The following FAM78B variants were observed in gnomAD, a reference collection of about 807,000 sequenced individuals.
FAM78B encodes the protein family with sequence similarity 78 member B, also known as protein FAM78B.
Under a neutral mutation model 20.0 loss-of-function variants are expected in FAM78B, and 10 were observed. That is an observed-to-expected ratio of 0.50 (90% CI 0.31 to 0.85). The LOEUF is 0.85. FAM78B is among the 40% of genes least tolerant of loss of function. The pLI, the probability that FAM78B is intolerant of heterozygous loss-of-function variation, is 0.05. For missense variants in FAM78B, 283 were observed against 345.0 expected (o/e 0.82, Z 1.42); for synonymous variants, 135 against 132.8 (o/e 1.02, Z -0.12).
chr1:166,118,045 C>G (rs1276038345), intron 1 of FAM78B, among the ~76,000 whole-genome samples: 1 of 152,126 alleles, frequency 6.6e-6, no homozygotes, highest in African/African-American at 2.4e-5. Context: ...CTCATGGACT[C>G]TGTAAGAGAA....
intron 1 of FAM78B, among the ~76,000 whole-genome samples, chr1:166,082,317 G>A (rs778276638): frequency 2.6e-5 from 4 of 152,148 alleles, no homozygotes; most frequent in Non-Finnish European, 5.9e-5. Context: ...CTTTGGATTT[G>A]CTGTTCCCTT....
At chr1:166,153,963 C>G (rs1655791857) in intron 1 of FAM78B, among the ~76,000 whole-genome samples, 1 of 152,090 alleles carries the variant, frequency 6.6e-6, no homozygotes, top group African/African-American at 2.4e-5. Flanking sequence ...TGATCATGCC[C>G]CTATGCTGAA....
chr1:166,077,555 GTC>G (rs111360627), intron 1 of FAM78B, among the ~76,000 whole-genome samples: 1 of 146,416 alleles, frequency 6.8e-6, no homozygotes, highest in Non-Finnish European at 1.5e-5. Flanking sequence ...AGCACACAAT[GTC>G]TCTCTCTCTA....
intron 1 of FAM78B, among the ~76,000 whole-genome samples, chr1:166,099,580 C>T (rs879387845): frequency 1.3e-5 from 2 of 152,136 alleles, no homozygotes; most frequent in African/African-American, 2.4e-5. Context: ...GTGGAAAAAG[C>T]CATTTCATGC....
At chr1:166,097,034 A>C (rs1653308921) in intron 1 of FAM78B, among the ~76,000 whole-genome samples, 1 of 152,128 alleles carries the variant, frequency 6.6e-6, no homozygotes, top group South Asian at 2.1e-4. Context: ...CCACCCCCCA[A>C]AACTGTGAGT....
chr1:166,148,146 T>G (rs551833714), intron 1 of FAM78B, among the ~76,000 whole-genome samples: 1 of 152,286 alleles, frequency 6.6e-6, no homozygotes, highest in Admixed American at 6.5e-5. Flanking sequence ...ATATGAGGGG[T>G]CTAGAGAGCT....
downstream of FAM78B, among the ~76,000 whole-genome samples, chr1:166,068,590 AC>A (rs1452806149): frequency 6.6e-6 from 1 of 152,158 alleles, no homozygotes; most frequent in African/African-American, 2.4e-5. Flanking sequence ...AAAGTAATAA[AC>A]CCTGCTGCTT....
chr1:166,095,899 A>G (rs553999782), intron 1 of FAM78B, among the ~76,000 whole-genome samples: 1 of 152,304 alleles, frequency 6.6e-6, no homozygotes, highest in African/African-American at 2.4e-5. Context: ...GATTAAACAC[A>G]GAGAAAATCA....
intron 1 of FAM78B, among the ~76,000 whole-genome samples, chr1:166,122,957 A>G (rs1325632826): frequency 1.3e-5 from 2 of 152,050 alleles, no homozygotes; most frequent in Non-Finnish European, 1.5e-5. Flanking sequence ...TCCGGCTGAG[A>G]GCTCCAGGAC....
intron 1 of FAM78B, among the ~76,000 whole-genome samples, chr1:166,078,808 G>A (rs867734957): frequency 6.6e-6 from 1 of 152,150 alleles, no homozygotes; most frequent in Non-Finnish European, 1.5e-5. Context: ...GGAGTCAGGG[G>A]GAACCACACA....
rs11286787 is a variant in FAM78B, at chr1:166,092,032, A to AT, written c.264-21270dup. On this transcript the variant is annotated intron_variant, in intron 1 of 1. Coordinates refer to ENST00000354422, the MANE Select transcript of FAM78B (RefSeq NM_001017961.5). ...GTGTGGTTAACATGATTGAGCCATCATTTTTTTTTTTTTTTTTTGCAAAAC... is the reference window on the plus strand; with the variant it reads ...GTGTGGTTAACATGATTGAGCCATCATTTTTTTTTTTTTTTTTTTGCAAAAC... 1.0e-4 allele frequency among the ~76,000 whole-genome samples: 13 copies of AT among 126,012 alleles called. 2 individuals carry two copies. Among genetic ancestry groups the AT allele is most frequent in the Non-Finnish European group, 1.5e-4 (9 of 58,174 alleles). 82.7% of individuals were successfully genotyped at this position (126,012 alleles called of 152,430 possible). A position where few individuals can be genotyped will look rare whatever the true frequency, so the allele number is the denominator to read the frequency against.
chr1:166,162,890 C>A (rs1656203160), intron 1 of FAM78B, among the ~76,000 whole-genome samples: 1 of 152,154 alleles, frequency 6.6e-6, no homozygotes, highest in Non-Finnish European at 1.5e-5. Flanking sequence ...TGGAATTAGT[C>A]CCTCCTCCTT....
At chr1:166,119,204 C>T (rs1052079442) in intron 1 of FAM78B, among the ~76,000 whole-genome samples, 6 of 152,206 alleles carry the variant, frequency 3.9e-5, no homozygotes, top group African/African-American at 1.4e-4. Context: ...GACACATTTA[C>T]AACTGTCTCG....
At chr1:166,076,396 A>G (rs1458843166) in intron 1 of FAM78B, among the ~76,000 whole-genome samples, 1 of 152,120 alleles carries the variant, frequency 6.6e-6, no homozygotes, top group African/African-American at 2.4e-5. Context: ...TTGCCTGGAA[A>G]AATATTCCTT....
chr1:166,123,544 G>C (rs1654537011), intron 1 of FAM78B, among the ~76,000 whole-genome samples: 1 of 152,198 alleles, frequency 6.6e-6, no homozygotes, highest in African/African-American at 2.4e-5. Context: ...TTCTTCAATG[G>C]CTTCTGAGGA....
chr1:166,105,065 T>A (rs938410142), intron 1 of FAM78B, among the ~76,000 whole-genome samples: 1 of 152,060 alleles, frequency 6.6e-6, no homozygotes, highest in Non-Finnish European at 1.5e-5. Context: ...TCTACAACTA[T>A]CTGATCTTTG....
rs1396078216 is a variant in FAM78B, at chr1:166,109,835, T to C, written c.264-39072A>G. Among the ~76,000 whole-genome samples the C allele has an allele frequency of 8.0e-4, 14 of 17,410 alleles. 2 individuals carry two copies. The East Asian group carries it at 0.027, about 33-fold the overall frequency. The allele number at this position is 17,410 out of a possible 152,430, so 11.4% of individuals were successfully genotyped here. A position where few individuals can be genotyped will look rare whatever the true frequency, so the allele number is the denominator to read the frequency against. ...ATATGTATATATATATATATATGTA[T>C]ATATGTATATATATATATATATATA... is the stretch of plus-strand genomic sequence containing the variant. On this transcript the variant is annotated intron_variant, in intron 1 of 1. Transcript: ENST00000354422.
intron 1 of FAM78B, among the ~76,000 whole-genome samples, chr1:166,084,237 A>ACACACTCTCTCTCTCTCTCT (rs771421402): frequency 1.6e-5 from 2 of 125,476 alleles, no homozygotes; most frequent in Admixed American, 8.3e-5. Context: ...ACACACACAC[A>ACACACTCTCTCTCTCTCTCT]CTCTCTCTCT....
intron 1 of FAM78B, among the ~76,000 whole-genome samples, chr1:166,084,540 T>C (rs180824185): frequency 2.0e-5 from 3 of 152,174 alleles, no homozygotes; most frequent in Non-Finnish European, 4.4e-5. Flanking sequence ...GGAAGAGTTA[T>C]GGTTTCAGAA....
Sources: allele counts gnomAD v4.1 joint callset (sites outside exome capture counted in the v4.1 genomes callset), GRCh38; gene constraint gnomAD v4.1.1; transcripts MANE v1.5; gene names NCBI Gene and HGNC (gene_info 2026-07-23, HGNC 2026-07-21).